The following KATNA1 variants were observed in gnomAD, a reference collection of about 807,000 sequenced individuals.
The protein encoded by KATNA1 is katanin p60 ATPase-containing subunit A1.
KATNA1 carries 42 observed loss-of-function variants against 62.6 expected under a neutral mutation model. That is an observed-to-expected ratio of 0.67 (90% CI 0.52 to 0.87). The LOEUF (loss-of-function observed/expected upper bound fraction) is 0.87. Among genes scored for constraint, KATNA1 ranks in the 40% least tolerant of loss-of-function variants. The pLI is 0.00. For missense variants in KATNA1, 498 were observed against 612.5 expected, an observed-to-expected ratio of 0.81 and a Z score of 1.97; for synonymous variants, 186 against 201.9, an observed-to-expected ratio of 0.92 and a Z score of 0.67.
At position 149,627,255 on chromosome 6, in the gene KATNA1, G is replaced by C. The variant is rs116184455; in HGVS notation, c.321-3972C>G. 2.7e-3 allele frequency among the ~76,000 whole-genome samples: 410 copies of C among 151,776 alleles called. 14 individuals carry two copies. Among genetic ancestry groups the C allele is most frequent in the African/African-American group, 9.4e-3 (387 of 41,200 alleles). ...TAAAAATACAAAAATTTGGCTGGCC[G>C]TGGTGGCTCACACATGTGATCCCAG... On this transcript the variant is annotated intron_variant, in intron 3 of 10. Coordinates refer to ENST00000367411, the MANE Select transcript of KATNA1 (RefSeq NM_007044.4).
chr6:149,604,630 CA>C, intron 5 of KATNA1, 30 bp downstream of exon 5: 3 of 1,611,430 alleles, frequency 1.9e-6, no homozygotes, highest in Non-Finnish European at 2.5e-6. Flanking sequence ...GCATCACCAG[CA>C]CCCAATTATT....
At chr6:149,647,974 A>T (rs1165863211) in intron 1 of KATNA1, among the ~76,000 whole-genome samples, 2 of 152,148 alleles carry the variant, frequency 1.3e-5, no homozygotes, top group Non-Finnish European at 2.9e-5. Flanking sequence ...AAAGGTACCA[A>T]CTCTAAACCA....
chr6:149,609,324 C>A (rs9498379), intron 4 of KATNA1, among the ~76,000 whole-genome samples: 2 of 151,816 alleles, frequency 1.3e-5, no homozygotes, highest in African/African-American at 4.8e-5. Flanking sequence ...AAGCAGATTT[C>A]TTCTCAGAAA....
intron 10 of KATNA1, 68 bp downstream of exon 10, chr6:149,596,992 AAAC>A: frequency 6.4e-7 from 1 of 1,551,630 alleles, no homozygotes; most frequent in Middle Eastern, 1.7e-4. Flanking sequence ...GTGTCTCAAA[AAAC>A]AAAACCAAAA....
At chr6:149,614,800 CAAAAG>C (rs1433535981) in intron 4 of KATNA1, among the ~76,000 whole-genome samples, 1 of 151,986 alleles carries the variant, frequency 6.6e-6, no homozygotes. Context: ...CAAATATACA[CAAAAG>C]AAAATGAGAA....
At position 149,640,651 on chromosome 6, in the gene KATNA1, G is replaced by C. The variant is rs59528999; in HGVS notation, c.-13-2091C>G. The stretch of plus-strand genomic sequence containing the variant: ...CAACCTCTGCCTCCCAGGTTCAAGC[G>C]ATTCCCCTGCCTCAGCCTCCAGAGT... On this transcript the variant is annotated intron_variant, in intron 1 of 10. Transcript: ENST00000367411. 3.6e-3 allele frequency among the ~76,000 whole-genome samples: 547 copies of C among 151,596 alleles called. 3 individuals carry two copies. Among genetic ancestry groups the C allele is most frequent in the African/African-American group, 0.013 (521 of 41,348 alleles).
chr6:149,638,717 T>C, intron 1 of KATNA1, 157 bp from the exon 2 acceptor site: 1 of 272,588 alleles, frequency 3.7e-6, no homozygotes, highest in Non-Finnish European at 6.5e-6. Context: ...TTCACTCCTT[T>C]AAAAAAAACA....
At position 149,594,954 on chromosome 6, in the gene KATNA1, A is replaced by T; in HGVS notation, c.*82T>A. 1 of 1,058,206 alleles carries T rather than the reference A, an allele frequency of 9.4e-7. No homozygotes were observed. Among genetic ancestry groups the T allele is most frequent in the Admixed American group, 2.6e-5 (1 of 38,664 alleles). 65.6% of individuals were successfully genotyped at this position (1,058,206 alleles called of 1,614,324 possible). The stretch of plus-strand genomic sequence containing the variant: ...TCTTACCATTATGAAAGTTAAAAAA[A>T]ATATAGCACTCAGTACAATGAATTA... On this transcript the variant is annotated 3_prime_UTR_variant, in exon 11 of 11. Transcript: ENST00000367411.
At chr6:149,603,980 A>G (rs915819943) in intron 5 of KATNA1, among the ~76,000 whole-genome samples, 3 of 152,200 alleles carry the variant, frequency 2.0e-5, no homozygotes, top group African/African-American at 4.8e-5. Context: ...TCAAACCCAT[A>G]CCTAATAATC....
intron 3 of KATNA1, among the ~76,000 whole-genome samples, chr6:149,626,216 T>C (rs997520354): frequency 9.9e-5 from 15 of 151,736 alleles, no homozygotes; most frequent in African/African-American, 3.6e-4. Context: ...GTTGAGTCGG[T>C]ACTGAACATG....
chr6:149,643,665 C>T (rs1306555234), intron 1 of KATNA1, among the ~76,000 whole-genome samples: 1 of 150,814 alleles, frequency 6.6e-6, no homozygotes, highest in Non-Finnish European at 1.5e-5. Context: ...CTTTGAATGA[C>T]TGAATACTGC....
In KATNA1 at chr6:149,613,005, C is replaced by A. The variant is rs936591849; in HGVS notation, c.502-8223G>T. ...ACCATCCTGGCTAACACGGTGAAAC[C>A]TCATCTCTACTAAAAATACAAAAAA... On this transcript the variant is annotated intron_variant, in intron 4 of 10. Coordinates refer to ENST00000367411, the MANE Select transcript of KATNA1 (RefSeq NM_007044.4). 3.3e-5 allele frequency among the ~76,000 whole-genome samples: 5 copies of A among 151,134 alleles called. No homozygotes were observed. The East Asian group carries it at 9.7e-4, about 29-fold the overall frequency.
rs147429157 is a variant in KATNA1 at position 149,595,229 on chromosome 6, G to C, written c.1283C>G (p.Ala428Gly). ...GADITNVCRD[A>G]SLMAMRRRIE... ...GCGCCTTCTCATTGCCATCAAGGAC[G>C]CATCCCTAGGTTTTAAGTTAAAAAC... Residue 428 changes from alanine to glycine, a missense_variant, in exon 11 of 11, where the codon GCG becomes GGG. Transcript: ENST00000367411. The C allele has an allele frequency of 1.4e-4, 228 of 1,612,272 alleles. No individual in the cohort carries two copies. The highest frequency in any genetic ancestry group is 1.9e-4 in the Non-Finnish European group (220 of 1,178,734).
Position 149,604,764 on chromosome 6 carries a change from C to G in KATNA1, c.520G>C (p.Val174Leu). Residue 174 changes from valine to leucine, a missense_variant, in exon 5 of 11, where the codon GTA becomes CTA. By Grantham distance (32) the Val-to-Leu change is conservative. Coordinates refer to ENST00000367411, the MANE Select transcript of KATNA1 (RefSeq NM_007044.4). ...AATTTATTTGTCTCTGGTTCTGTTA[C>G]TGCAGCAGGTGATTTGTTCTACATG... ...REEKNKSPAA[V>L]TEPETNKFDS... is the part of the protein sequence containing the mutation. The G allele has an allele frequency of 6.2e-7, 1 of 1,613,700 alleles. No homozygotes were observed. The highest frequency in any genetic ancestry group is 1.1e-5 in the South Asian group (1 of 91,054).
chr6:149,633,833 G>A (rs1779950484), intron 2 of KATNA1, among the ~76,000 whole-genome samples: 2 of 151,676 alleles, frequency 1.3e-5, no homozygotes, highest in African/African-American at 2.4e-5. Context: ...GCACATGCAC[G>A]TAATCCCAGC....
chr6:149,613,136 C>T (rs975883676), intron 4 of KATNA1, among the ~76,000 whole-genome samples: 9 of 127,428 alleles, frequency 7.1e-5, no homozygotes, highest in East Asian at 4.9e-4. Flanking sequence ...GTGGGGATCA[C>T]GCCACTGCAC....
chr6:149,641,570 C>CT (rs1004150273), intron 1 of KATNA1, among the ~76,000 whole-genome samples: 2 of 152,108 alleles, frequency 1.3e-5, no homozygotes, highest in East Asian at 1.9e-4. Context: ...CTGAGCAACT[C>CT]TTTTTTATGT....
At position 149,613,166 on chromosome 6, in the gene KATNA1, C is replaced by T. The variant is rs371200269; in HGVS notation, c.502-8384G>A. Among the ~76,000 whole-genome samples, 274 of 81,754 alleles carry T rather than the reference C, an allele frequency of 3.4e-3. 1 individual carries two copies. The highest frequency in any genetic ancestry group is 0.011 in the African/African-American group (204 of 19,332). The allele number at this position is 81,754 out of a possible 152,430, so 53.6% of individuals were successfully genotyped here. A position where few individuals can be genotyped will look rare whatever the true frequency, so the allele number is the denominator to read the frequency against. On this transcript the variant is annotated intron_variant, in intron 4 of 10. Transcript: ENST00000367411. ...CTGCACTCCAGCCTGGGCAACAGAGCGAGACTCTGTCTCAAAAAAAAAAAA... is the reference window on the plus strand; with the variant it reads ...CTGCACTCCAGCCTGGGCAACAGAGTGAGACTCTGTCTCAAAAAAAAAAAA...
intron 4 of KATNA1, among the ~76,000 whole-genome samples, chr6:149,609,902 C>A (rs1392668666): frequency 6.6e-6 from 1 of 150,954 alleles, no homozygotes; most frequent in East Asian, 1.9e-4. Context: ...GAGTTGGAGA[C>A]CAGCCCGACC....
Sources: allele counts gnomAD v4.1 joint callset (sites outside exome capture counted in the v4.1 genomes callset), GRCh38; gene constraint gnomAD v4.1.1; transcripts MANE v1.5; gene names NCBI Gene and HGNC (gene_info 2026-07-23, HGNC 2026-07-21).